MYZAP: variants seen among roughly 807,000 people sequenced by gnomAD.
MYZAP encodes myocardial zonula adherens protein, also known as GRINL1A complex locus upstream.
A neutral mutation model predicts 69.4 loss-of-function variants in MYZAP; 66 were observed. That is an observed-to-expected ratio of 0.95 (90% CI 0.78 to 1.17). MYZAP has a LOEUF of 1.17. Ranked by LOEUF, MYZAP falls within the 50% of genes most tolerant of loss-of-function variation. The pLI, the probability that MYZAP is intolerant of heterozygous loss-of-function variation, is 0.00. For missense variants in MYZAP, 611 were observed against 556.2 expected, an observed-to-expected ratio of 1.10 and a Z score of -0.99; for synonymous variants, 256 against 205.9, an observed-to-expected ratio of 1.24 and a Z score of -2.09.
intron 3 of MYZAP, among the ~76,000 whole-genome samples, chr15:57,618,949 G>A (rs1228307887): frequency 6.6e-6 from 1 of 152,204 alleles, no homozygotes; most frequent in East Asian, 1.9e-4. Context: ...GTAAGAGGCA[G>A]TGTAGGGGCA....
intron 12 of MYZAP, among the ~76,000 whole-genome samples, 182 bp downstream of exon 12, chr15:57,675,250 G>A (rs983910665): frequency 1.3e-5 from 2 of 152,166 alleles, no homozygotes; most frequent in Non-Finnish European, 2.9e-5. Flanking sequence ...TGTGCAGGGT[G>A]GAGGGGTCAG....
At chr15:57,603,703 A>G (rs1196381688) in intron 1 of MYZAP, among the ~76,000 whole-genome samples, 1 of 152,214 alleles carries the variant, frequency 6.6e-6, no homozygotes. Context: ...CATTGTATGT[A>G]TAAATAATAT....
intron 10 of MYZAP, among the ~76,000 whole-genome samples, chr15:57,650,561 G>A (rs2037677267): frequency 6.6e-6 from 1 of 152,164 alleles, no homozygotes; most frequent in African/African-American, 2.4e-5. Flanking sequence ...ACTAGGCTTT[G>A]TATCTTGAGC....
At chr15:57,649,680 A>G (rs113291248) in intron 10 of MYZAP, among the ~76,000 whole-genome samples, 28 of 152,294 alleles carry the variant, frequency 1.8e-4, no homozygotes, top group African/African-American at 6.7e-4. Flanking sequence ...TTTATAATAT[A>G]TAAGTTTTTA....
intron 12 of MYZAP, among the ~76,000 whole-genome samples, chr15:57,683,498 C>A (rs1423473836): frequency 6.6e-6 from 1 of 152,166 alleles, no homozygotes; most frequent in African/African-American, 2.4e-5. Context: ...CCCTTGAATG[C>A]ATGTTTCATA....
intron 10 of MYZAP, among the ~76,000 whole-genome samples, chr15:57,659,704 A>G (rs1469055474): frequency 6.6e-6 from 1 of 152,210 alleles, no homozygotes; most frequent in African/African-American, 2.4e-5. Context: ...CACCAATTTG[A>G]TATACATCGT....
chr15:57,650,172 C>T (rs749547481), intron 10 of MYZAP, among the ~76,000 whole-genome samples: 12 of 152,028 alleles, frequency 7.9e-5, no homozygotes, highest in Admixed American at 2.6e-4. Flanking sequence ...TTTTTCACGT[C>T]GCTTTCGTCA....
At position 57,684,444 on chromosome 15, in the gene MYZAP, C is replaced by A; in HGVS notation, c.1347C>A (p.Asn449Lys). 6.2e-7 allele frequency: 1 copy of A among 1,613,616 alleles called. No individual in the cohort carries two copies. Among genetic ancestry groups the A allele is most frequent in the Non-Finnish European group, 8.5e-7 (1 of 1,179,838 alleles). ...GTGAAATTGTGATGCCTTCTAGGAA[C>A]TACACCCCATACACAAGAGTCCTGG... ...RTREIVMPSR[N>K]YTPYTRVLEL... The change falls in exon 13 of 13, where the codon AAC becomes AAA. Residue 449 changes from asparagine to lysine, a missense_variant. Asn to Lys is a moderately conservative substitution (Grantham distance 94). Transcript: ENST00000267853.
At chr15:57,640,606 T>C (rs1431500359) in intron 10 of MYZAP, among the ~76,000 whole-genome samples, 1 of 152,216 alleles carries the variant, frequency 6.6e-6, no homozygotes, top group Non-Finnish European at 1.5e-5. Flanking sequence ...AAAATATATC[T>C]ATTTTATTAA....
intron 4 of MYZAP, 47 bp downstream of exon 4, chr15:57,621,747 T>C (rs1249196808): frequency 1.3e-6 from 2 of 1,593,182 alleles, no homozygotes; most frequent in Admixed American, 1.7e-5. Context: ...CATGGCAGGC[T>C]CAGAGTGGTC....
At chr15:57,639,360 T>G (rs2036995673) in intron 9 of MYZAP, 80 bp from the exon 10 acceptor site, 1 of 1,468,558 alleles carries the variant, frequency 6.8e-7, no homozygotes, top group Non-Finnish European at 9.4e-7. Context: ...TTGGCAATAT[T>G]CTTTAAAGCT....
chr15:57,648,951 A>T (rs1206984163), intron 10 of MYZAP, among the ~76,000 whole-genome samples: 3 of 151,522 alleles, frequency 2.0e-5, no homozygotes, highest in Non-Finnish European at 1.5e-5. Context: ...ATATATATAT[A>T]TAAAATTAGT....
chr15:57,650,051 G>C (rs1431967976), intron 10 of MYZAP, among the ~76,000 whole-genome samples: 2 of 152,106 alleles, frequency 1.3e-5, no homozygotes, highest in Non-Finnish European at 2.9e-5. Flanking sequence ...AATATTTGTT[G>C]GACAAATAAT....
intron 2 of MYZAP, among the ~76,000 whole-genome samples, chr15:57,605,566 C>G (rs1480059342): frequency 6.6e-6 from 1 of 152,126 alleles, no homozygotes; most frequent in Non-Finnish European, 1.5e-5. Context: ...CCCTCTCCTC[C>G]CCACTTTCTA....
At chr15:57,661,707 A>G (rs1027758488) in intron 11 of MYZAP, among the ~76,000 whole-genome samples, 174 bp downstream of exon 11, 1 of 151,992 alleles carries the variant, frequency 6.6e-6, no homozygotes, top group Admixed American at 6.6e-5. Flanking sequence ...TTCCTTTACC[A>G]TCGGACTCCC....
At chr15:57,647,422 G>A in intron 10 of MYZAP, 6 of 985,348 alleles carry the variant, frequency 6.1e-6, no homozygotes, top group Non-Finnish European at 7.2e-6. Flanking sequence ...CTTTATTGCT[G>A]TAATGTTTTT....
Position 57,636,739 on chromosome 15 carries a change from C to T in MYZAP, c.934-956C>T, listed in dbSNP as rs142363166. On this transcript the variant is annotated intron_variant, in intron 8 of 12. Transcript: ENST00000267853. ...TTCAGCTTTGTCCAAAGAAATGATTCCAGACTCTTTTTTGGGCAAACTTCT... is the reference window on the plus strand; with the variant it reads ...TTCAGCTTTGTCCAAAGAAATGATTTCAGACTCTTTTTTGGGCAAACTTCT... Among the ~76,000 whole-genome samples, 527 of 152,198 alleles carry T rather than the reference C, an allele frequency of 3.5e-3. 1 individual carries two copies. Among genetic ancestry groups the T allele is most frequent in the African/African-American group, 0.012 (513 of 41,522 alleles).
At chr15:57,635,875 C>A (rs1394679091) in intron 8 of MYZAP, among the ~76,000 whole-genome samples, 1 of 152,196 alleles carries the variant, frequency 6.6e-6, no homozygotes, top group Admixed American at 6.5e-5. Flanking sequence ...GTTTCTCTTG[C>A]TGAGCACTGT....
intron 1 of MYZAP, among the ~76,000 whole-genome samples, chr15:57,593,216 C>CCCCCT (rs1487161671): frequency 6.7e-5 from 4 of 60,122 alleles, no homozygotes; most frequent in African/African-American, 3.2e-4. Flanking sequence ...ACACACACAC[C>CCCCCT]CCAGAATCCA....
Sources: allele counts gnomAD v4.1 joint callset (sites outside exome capture counted in the v4.1 genomes callset), GRCh38; gene constraint gnomAD v4.1.1; transcripts MANE v1.5; gene names NCBI Gene and HGNC (gene_info 2026-07-23, HGNC 2026-07-21).